TRIM5: variants seen among roughly 807,000 people sequenced by gnomAD.
TRIM5 encodes tripartite motif-containing protein 5.
In TRIM5, 31 loss-of-function variants were observed where a neutral mutation model predicts 35.6. The ratio of observed to expected loss-of-function variants is 0.87; its 90% CI spans 0.65 to 1.18. TRIM5 has a LOEUF of 1.18. TRIM5 is among the 50% of genes most tolerant of loss of function. The pLI is 0.00. For synonymous variants in TRIM5, 243 were observed against 215.6 expected, an observed-to-expected ratio of 1.13 and a Z score of -1.11; for missense variants, 609 against 591.6, an observed-to-expected ratio of 1.03 and a Z score of -0.31.
At chr11:5,631,233 C>CT in the TRIM5 span, among the ~76,000 whole-genome samples, 1 of 152,192 alleles carries the variant, frequency 6.6e-6, no homozygotes, top group Non-Finnish European at 1.5e-5. Context: ...AAGACCCCCC[C>CT]AGAAATTCCC....
At chr11:5,660,929 C>G (rs1376163532), downstream of TRIM5, among the ~76,000 whole-genome samples, 2 of 151,204 alleles carry the variant, frequency 1.3e-5, no homozygotes, top group Admixed American at 1.3e-4. Context: ...GTAGTGCCAG[C>G]TACTCGGGAG....
the TRIM5 span, chr11:5,604,472 A>G: frequency 2.9e-5 from 44 of 1,542,264 alleles, no homozygotes; most frequent in South Asian, 6.4e-5. Flanking sequence ...CATTCATTCT[A>G]TGTCTGGGTA....
chr11:5,668,810 C>T (rs1851341475), intron 4 of TRIM5, among the ~76,000 whole-genome samples: 1 of 152,144 alleles, frequency 6.6e-6, no homozygotes, highest in Non-Finnish European at 1.5e-5. Flanking sequence ...TGACTTCATT[C>T]ACTTCCTTAA....
the TRIM5 span, chr11:5,643,435 G>A: frequency 6.2e-7 from 1 of 1,614,128 alleles, no homozygotes; most frequent in East Asian, 2.2e-5. Context: ...TTTGGCTACT[G>A]GGTTATAGGG....
chr11:5,634,919 C>T, the TRIM5 span: 40 of 1,555,978 alleles, frequency 2.6e-5, no homozygotes, highest in Admixed American at 2.0e-4. Flanking sequence ...TGTGTCCTTG[C>T]GTTCTCATCC....
the TRIM5 span, among the ~76,000 whole-genome samples, chr11:5,622,984 G>A: frequency 1.3e-5 from 2 of 152,202 alleles, no homozygotes; most frequent in African/African-American, 4.8e-5. Context: ...CCGGAAGGGG[G>A]TTTCCAGGTC....
chr11:5,646,093 T>C, the TRIM5 span, among the ~76,000 whole-genome samples: 3 of 135,128 alleles, frequency 2.2e-5, no homozygotes, highest in Non-Finnish European at 4.7e-5. Context: ...TTAATATACA[T>C]GTATATTATA....
chr11:5,682,986 T>C (rs1852628975), intron 1 of TRIM5, among the ~76,000 whole-genome samples: 1 of 152,162 alleles, frequency 6.6e-6, no homozygotes, highest in Admixed American at 6.5e-5. Flanking sequence ...GCGCCGCGCT[T>C]GTGGGCCAGC....
At chr11:5,649,992 T>C in the TRIM5 span, among the ~76,000 whole-genome samples, 2 of 152,202 alleles carry the variant, frequency 1.3e-5, no homozygotes, top group East Asian at 3.8e-4. Flanking sequence ...GTTCAGTAAA[T>C]TCCATAAACA....
chr11:5,667,645 C>G, intron 5 of TRIM5, 44 bp downstream of exon 5: 1 of 1,606,110 alleles, frequency 6.2e-7, no homozygotes, highest in Non-Finnish European at 8.5e-7. Flanking sequence ...CTATAAATCT[C>G]TCCTCACTGC....
chr11:5,602,901 C>T, the TRIM5 span, among the ~76,000 whole-genome samples: 6 of 151,936 alleles, frequency 3.9e-5, no homozygotes, highest in African/African-American at 1.5e-4. Context: ...TTGCAGTGAG[C>T]TGAGATTGTA....
chr11:5,605,478 A>T, the TRIM5 span: 1 of 1,614,100 alleles, frequency 6.2e-7, no homozygotes, highest in African/African-American at 1.3e-5. Flanking sequence ...AGAGGCTGAG[A>T]ATGATCTGGT....
chr11:5,669,042 T>C (rs1391858176), intron 4 of TRIM5, among the ~76,000 whole-genome samples: 1 of 151,754 alleles, frequency 6.6e-6, no homozygotes, highest in African/African-American at 2.4e-5. Context: ...ACATTTACTC[T>C]GAACTCTAGT....
At chr11:5,596,728 C>T in the TRIM5 span, 452 of 1,015,888 alleles carry the variant, frequency 4.4e-4, 1 homozygote, top group East Asian at 9.4e-3. Flanking sequence ...GGATCCCCTG[C>T]CTTTCTCGGA....
the TRIM5 span, among the ~76,000 whole-genome samples, chr11:5,647,849 C>T: frequency 2.0e-5 from 3 of 152,020 alleles, no homozygotes; most frequent in African/African-American, 7.2e-5. Flanking sequence ...AAAACCAGAG[C>T]TAGATGGAGG....
the TRIM5 span, chr11:5,626,708 T>G: frequency 4.0e-5 from 6 of 151,622 alleles, no homozygotes; most frequent in African/African-American, 1.5e-4. Context: ...GGTGAAACTG[T>G]GTCTCTACTA....
the TRIM5 span, among the ~76,000 whole-genome samples, chr11:5,607,885 A>G: frequency 2.0e-5 from 3 of 152,208 alleles, no homozygotes; most frequent in African/African-American, 7.2e-5. Context: ...AGATTTGAGA[A>G]TCATCAACAT....
chr11:5,680,155 T>C lies in TRIM5; in HGVS notation c.23A>G (p.Asn8Ser), dbSNP rs771356334. ...GGGGCAGGTCACCTCCTCCTTTACA[T>C]TAACCAGGATTCCAGAAGCCATAGT... MASGILVNVKEEVTCPIC... is the reference protein window; with the variant it reads MASGILVSVKEEVTCPIC... Residue 8 changes from asparagine (N) to serine (S), a missense_variant, in exon 2 of 8, where the codon AAT becomes AGT. By Grantham distance (46) the Asn-to-Ser change is conservative. Transcript: ENST00000380034. 1 of 1,610,200 alleles carries C rather than the reference T, an allele frequency of 6.2e-7. No individual in the cohort carries two copies. Among genetic ancestry groups the C allele is most frequent in the East Asian group, 2.2e-5 (1 of 44,840 alleles).
the TRIM5 span, chr11:5,634,871 T>C: frequency 3.1e-6 from 5 of 1,609,050 alleles, no homozygotes; most frequent in African/African-American, 6.7e-5. Flanking sequence ...GGTAAGAAGG[T>C]TCGCTCAATC....
Sources: allele counts gnomAD v4.1 joint callset (sites outside exome capture counted in the v4.1 genomes callset), GRCh38; gene constraint gnomAD v4.1.1; transcripts MANE v1.5; gene names NCBI Gene and HGNC (gene_info 2026-07-23, HGNC 2026-07-21).